The following TJP1 variants were observed in gnomAD, a reference collection of about 807,000 sequenced individuals.
The protein encoded by TJP1 is tight junction protein 1.
A neutral mutation model predicts 194.2 loss-of-function variants in TJP1; 43 were observed. The observed-to-expected ratio is 0.22, with a 90% CI of 0.17 to 0.29. The LOEUF (loss-of-function observed/expected upper bound fraction) is 0.29, where lower values mean the gene tolerates loss of function less well. TJP1 is among the 10% of genes least tolerant of loss of function. The pLI is 1.00. For synonymous variants in TJP1, 801 were observed against 779.0 expected (o/e 1.03, Z -0.47); for missense variants, 1,971 against 2,185.7 (o/e 0.90, Z 1.96).
chr15:29,812,927 C>G (rs1156656764), intron 1 of TJP1, among the ~76,000 whole-genome samples: 2 of 151,922 alleles, frequency 1.3e-5, no homozygotes, highest in Non-Finnish European at 2.9e-5. Context: ...ATAGGTGATA[C>G]AGCATCAAAA....
At chr15:29,826,984 C>T (rs572244056), upstream of TJP1, among the ~76,000 whole-genome samples, 38 of 152,312 alleles carry the variant, frequency 2.5e-4, no homozygotes, top group South Asian at 7.7e-3. Context: ...GCTCCCACAG[C>T]TCTTGATACC....
chr15:29,810,952 C>G (rs2049454461), intron 1 of TJP1, among the ~76,000 whole-genome samples: 1 of 152,106 alleles, frequency 6.6e-6, no homozygotes. Context: ...TCTCAAGGAG[C>G]TTACAGTCTA....
intron 11 of TJP1, 70 bp downstream of exon 11, chr15:29,737,194 T>C (rs1254654345): frequency 1.3e-6 from 2 of 1,556,688 alleles, no homozygotes; most frequent in African/African-American, 1.4e-5. Flanking sequence ...AATAGTAAGC[T>C]TGTTGTTTGA....
At chr15:29,906,462 C>T (rs1012200580) in intron 2 of TJP1, among the ~76,000 whole-genome samples, 38 of 54,638 alleles carry the variant, frequency 7.0e-4, no homozygotes, top group African/African-American at 3.8e-3. Context: ...AGCGAGACTC[C>T]GTCTCAAAAT....
chr15:29,782,669 T>A (rs921815510), intron 2 of TJP1, among the ~76,000 whole-genome samples: 1 of 151,970 alleles, frequency 6.6e-6, no homozygotes, highest in Non-Finnish European at 1.5e-5. Flanking sequence ...CAAAAGCAAC[T>A]GCAACAAAAG....
At chr15:29,745,359 A>C (rs2044700525) in intron 8 of TJP1, among the ~76,000 whole-genome samples, 1 of 151,878 alleles carries the variant, frequency 6.6e-6, no homozygotes, top group Admixed American at 6.6e-5. Flanking sequence ...TCCTGAATTA[A>C]GATAATTTTA....
chr15:29,891,102 GCTCAAA>G (rs1300404859), intron 2 of TJP1, among the ~76,000 whole-genome samples: 1 of 152,228 alleles, frequency 6.6e-6, no homozygotes, highest in Non-Finnish European at 1.5e-5. Flanking sequence ...GGAGCTGGAA[GCTCAAA>G]TCCCCCTTCT....
At chr15:29,727,124 A>C (rs1403390791) in intron 16 of TJP1, 133 bp from the exon 17 acceptor site, 1 of 714,906 alleles carries the variant, frequency 1.4e-6, no homozygotes, top group Non-Finnish European at 2.3e-6. Flanking sequence ...TGGGTGAATC[A>C]CTTGAGGCCA....
At chr15:29,776,011 T>C (rs961661516) in intron 2 of TJP1, among the ~76,000 whole-genome samples, 1 of 152,112 alleles carries the variant, frequency 6.6e-6, no homozygotes, top group African/African-American at 2.4e-5. Flanking sequence ...AACACTGATA[T>C]CAAGGAAAGC....
intron 2 of TJP1, among the ~76,000 whole-genome samples, chr15:29,867,900 A>G (rs2052363372): frequency 6.6e-6 from 1 of 152,130 alleles, no homozygotes; most frequent in South Asian, 2.1e-4. Context: ...TACAAAAAGT[A>G]CAAAAATTAG....
chr15:29,953,176 C>G (rs1453763085), intron 2 of TJP1, among the ~76,000 whole-genome samples: 1 of 108,238 alleles, frequency 9.2e-6, no homozygotes, highest in Non-Finnish European at 1.8e-5. Context: ...GAGTCTCGCT[C>G]TGTCGTCCAG....
Position 29,726,476 on chromosome 15 carries a change from G to A in TJP1, c.2315C>T (p.Thr772Ile). ...ATCATTCATTGAATTTAAGTTAATTGTAGCTGAAAATAAATTAACGATGTA... is the reference window on the plus strand; with the variant it reads ...ATCATTCATTGAATTTAAGTTAATTATAGCTGAAAATAAATTAACGATGTA... ...RKNNHHLFTT[T>I]INLNSMNDGW... The change falls in exon 18 of 28, where the codon ACA (threonine) becomes ATA (isoleucine). Residue 772 changes from threonine to isoleucine, a missense_variant. Physicochemically the swap from Thr to Ile is moderately conservative, Grantham distance 89 (BLOSUM62 -1). Around this residue, in one of 5 missense-constraint regions of TJP1, gnomAD observed 402 missense variants for 484.2 expected, o/e 0.83. Coordinates refer to ENST00000614355, the MANE Select transcript of TJP1 (RefSeq NM_001330239.4). The A allele has an allele frequency of 5.6e-6, 9 of 1,613,614 alleles. No individual in the cohort carries two copies. Among genetic ancestry groups the A allele is most frequent in the Non-Finnish European group, 7.6e-6 (9 of 1,179,678 alleles).
chr15:29,885,538 G>A (rs1311026778), intron 2 of TJP1, among the ~76,000 whole-genome samples: 2 of 152,240 alleles, frequency 1.3e-5, no homozygotes, highest in African/African-American at 4.8e-5. Flanking sequence ...TGGCAGTACA[G>A]TTAGCAGACA....
At chr15:29,736,151 G>C (rs1244003020) in intron 11 of TJP1, among the ~76,000 whole-genome samples, 1 of 152,206 alleles carries the variant, frequency 6.6e-6, no homozygotes, top group East Asian at 1.9e-4. Context: ...TGAGGCTTGA[G>C]GATGACATTA....
At chr15:29,898,125 C>T (rs1453151282) in intron 2 of TJP1, among the ~76,000 whole-genome samples, 2 of 152,110 alleles carry the variant, frequency 1.3e-5, no homozygotes, top group Non-Finnish European at 2.9e-5. Context: ...ATTCTAACTC[C>T]CACAGTTCCT....
At chr15:29,755,401 T>C (rs558218232) in intron 8 of TJP1, among the ~76,000 whole-genome samples, 6 of 152,336 alleles carry the variant, frequency 3.9e-5, no homozygotes, top group African/African-American at 1.4e-4. Flanking sequence ...GAGTGGATTG[T>C]ATAGATAAGA....
intron 2 of TJP1, among the ~76,000 whole-genome samples, chr15:29,949,511 TCC>T (rs2055494598): frequency 5.5e-5 from 1 of 18,132 alleles, no homozygotes; most frequent in African/African-American, 2.2e-4. Flanking sequence ...AACCACCACC[TCC>T]ACCTCCACCA....
chr15:29,941,059 T>A (rs1486235221), intron 2 of TJP1, among the ~76,000 whole-genome samples: 1 of 152,158 alleles, frequency 6.6e-6, no homozygotes, highest in Non-Finnish European at 1.5e-5. Context: ...GTCTCTCTGT[T>A]CTGTGAATGT....
At chr15:29,872,416 T>C (rs1034457589) in intron 2 of TJP1, among the ~76,000 whole-genome samples, 2 of 152,148 alleles carry the variant, frequency 1.3e-5, no homozygotes, top group Admixed American at 1.3e-4. Context: ...AATTCAAGGA[T>C]AGTATAACAA....
Sources: allele counts gnomAD v4.1 joint callset (sites outside exome capture counted in the v4.1 genomes callset), GRCh38; gene constraint gnomAD v4.1.1; regional missense constraint gnomAD v4.1.1; transcripts MANE v1.5; gene names NCBI Gene and HGNC (gene_info 2026-07-23, HGNC 2026-07-21).